Variants in HS6ST1 observed in about 807,000 individuals in gnomAD.
HS6ST1 encodes heparan-sulfate 6-O-sulfotransferase 1.
A neutral mutation model predicts 25.2 loss-of-function variants in HS6ST1; 3 were observed. The ratio of observed to expected loss-of-function variants is 0.12; its 90% CI spans 0.05 to 0.31. The LOEUF (loss-of-function observed/expected upper bound fraction) is 0.31. HS6ST1 is among the 10% of genes least tolerant of loss of function. HS6ST1 has a pLI of 1.00. For synonymous variants in HS6ST1, 204 were observed against 275.1 expected, an observed-to-expected ratio of 0.74 and a Z score of 2.56; for missense variants, 310 against 609.6, an observed-to-expected ratio of 0.51 and a Z score of 5.18.
chr2:128,278,803 G>T (rs1029399790), intron 1 of HS6ST1, among the ~76,000 whole-genome samples: 1 of 152,174 alleles, frequency 6.6e-6, no homozygotes, highest in African/African-American at 2.4e-5. Context: ...ACTACTCAGT[G>T]GCTGTCTCGG....
At chr2:128,272,586 C>T (rs1693625736) in intron 1 of HS6ST1, among the ~76,000 whole-genome samples, 1 of 152,164 alleles carries the variant, frequency 6.6e-6, no homozygotes. Flanking sequence ...GGCCTCTCTG[C>T]CTGCGCCTGC....
chr2:128,269,699 C>T (rs573233000), intron 1 of HS6ST1, among the ~76,000 whole-genome samples: 11 of 152,314 alleles, frequency 7.2e-5, no homozygotes, highest in Middle Eastern at 3.4e-3. Context: ...CTCCTCCTGG[C>T]TCCTGTCCAC....
At chr2:128,279,991 C>T (rs1040662655) in intron 1 of HS6ST1, among the ~76,000 whole-genome samples, 8 of 152,334 alleles carry the variant, frequency 5.3e-5, no homozygotes, top group Admixed American at 2.0e-4. Flanking sequence ...CTCCGGAAAG[C>T]GACCGGGCCT....
chr2:128,288,545 C>T (rs1693901397), intron 1 of HS6ST1, among the ~76,000 whole-genome samples: 1 of 152,222 alleles, frequency 6.6e-6, no homozygotes, highest in Admixed American at 6.5e-5. Flanking sequence ...GATGCCAACT[C>T]TGGAAAACAC....
intron 1 of HS6ST1, among the ~76,000 whole-genome samples, chr2:128,281,079 T>G (rs539073101): frequency 6.6e-6 from 1 of 152,350 alleles, no homozygotes; most frequent in African/African-American, 2.4e-5. Flanking sequence ...CTGGGTCAGC[T>G]GAGATCCAGC....
At chr2:128,284,565 G>A (rs896919108) in intron 1 of HS6ST1, among the ~76,000 whole-genome samples, 1 of 145,842 alleles carries the variant, frequency 6.9e-6, no homozygotes, top group African/African-American at 2.6e-5. Flanking sequence ...GCAGTGGCGT[G>A]ATCTTGGTCA....
At chr2:128,296,254 T>A (rs942676266) in intron 1 of HS6ST1, among the ~76,000 whole-genome samples, 1 of 152,190 alleles carries the variant, frequency 6.6e-6, no homozygotes, top group African/African-American at 2.4e-5. Flanking sequence ...ACAGTTAACA[T>A]CATATTCAAT....
chr2:128,310,948 T>A (rs922717813), intron 1 of HS6ST1, among the ~76,000 whole-genome samples: 1 of 151,556 alleles, frequency 6.6e-6, no homozygotes. Context: ...AGTGGCGGGG[T>A]CTCGCATGAT....
intron 1 of HS6ST1, among the ~76,000 whole-genome samples, chr2:128,301,439 C>A (rs971622031): frequency 6.6e-6 from 1 of 152,182 alleles, no homozygotes; most frequent in Non-Finnish European, 1.5e-5. Context: ...ATCCTGGGAC[C>A]ATTTCAAAGA....
chr2:128,301,402 C>T (rs903489040), intron 1 of HS6ST1, among the ~76,000 whole-genome samples: 8 of 152,146 alleles, frequency 5.3e-5, no homozygotes, highest in African/African-American at 1.7e-4. Context: ...GACAGCAGAT[C>T]GTCTTTGGAA....
chr2:128,294,208 C>CA (rs1694001989), intron 1 of HS6ST1, among the ~76,000 whole-genome samples: 1 of 152,234 alleles, frequency 6.6e-6, no homozygotes, highest in South Asian at 2.1e-4. Context: ...TTCTGTCATA[C>CA]ACGCCCTGTG....
Position 128,301,923 on chromosome 2 carries a change from G to C in HS6ST1, c.527+16114C>G, listed in dbSNP as rs77183483. Among the ~76,000 whole-genome samples the C allele has an allele frequency of 8.0e-3, 1,214 of 152,298 alleles. 14 individuals are homozygous for C. The highest frequency in any genetic ancestry group is 0.025 in the African/African-American group (1,040 of 41,552). On this transcript the variant is annotated intron_variant, in intron 1 of 1. Transcript: ENST00000259241. ...CATGCTGGCCGGTGTCTCCCTAGTGGGAACAGCTCAGAGGCTCCAGCTTGG... is the reference window on the plus strand; with the variant it reads ...CATGCTGGCCGGTGTCTCCCTAGTGCGAACAGCTCAGAGGCTCCAGCTTGG...
At chr2:128,291,281 TC>T (rs1374607451) in intron 1 of HS6ST1, among the ~76,000 whole-genome samples, 1 of 152,214 alleles carries the variant, frequency 6.6e-6, no homozygotes, top group Non-Finnish European at 1.5e-5. Context: ...ACAGCCGGAG[TC>T]CCGGCATGGG....
At chr2:128,284,838 T>TCC (rs1189611485) in intron 1 of HS6ST1, among the ~76,000 whole-genome samples, 1 of 152,160 alleles carries the variant, frequency 6.6e-6, no homozygotes, top group African/African-American at 2.4e-5. Flanking sequence ...GTTGTGACTT[T>TCC]CCCAGGGCCA....
intron 1 of HS6ST1, among the ~76,000 whole-genome samples, chr2:128,275,207 A>G (rs1693675291): frequency 6.6e-6 from 1 of 152,190 alleles, no homozygotes; most frequent in Non-Finnish European, 1.5e-5. Context: ...TACTTGCCTC[A>G]GCGGTAAATG....
At chr2:128,299,187 A>C (rs976478726) in intron 1 of HS6ST1, among the ~76,000 whole-genome samples, 3 of 152,228 alleles carry the variant, frequency 2.0e-5, no homozygotes, top group African/African-American at 7.2e-5. Context: ...GCCATGCAGC[A>C]GAGAGCACAC....
chr2:128,290,817 C>CAAAAAAAAA (rs57754041), intron 1 of HS6ST1, among the ~76,000 whole-genome samples: 75 of 60,538 alleles, frequency 1.2e-3, no homozygotes, highest in East Asian at 1.9e-3. Flanking sequence ...ACTAAAAATA[C>CAAAAAAAAA]AAAAAAAAAA....
intron 1 of HS6ST1, among the ~76,000 whole-genome samples, chr2:128,299,195 C>T (rs1241137090): frequency 2.6e-5 from 4 of 152,248 alleles, no homozygotes; most frequent in Non-Finnish European, 5.9e-5. Context: ...GCAGAGAGCA[C>T]ACAGCTCCCT....
rs1172327314 is a variant in HS6ST1 at position 128,267,604 on chromosome 2, CCTGA to C, written c.*554_*557del. ...CTTCTCTGCCTCAGATGGGGTGGGC[CCTGA>C]CTTTGAGGGAGCTACAGATGGGTGA... On this transcript the variant is annotated 3_prime_UTR_variant, in exon 2 of 2. Transcript: ENST00000259241. The C allele has an allele frequency of 6.2e-6, 1 of 160,380 alleles. No individual in the cohort carries two copies. The allele number at this position is 160,380 out of a possible 1,614,324, so 9.9% of individuals were successfully genotyped here. A position where few individuals can be genotyped will look rare whatever the true frequency, so the allele number is the denominator to read the frequency against.
Sources: gnomAD v4.1 joint callset for allele counts (sites outside exome capture counted in the v4.1 genomes callset) on GRCh38, gnomAD v4.1.1 for gene constraint, MANE v1.5 for transcripts, NCBI Gene and HGNC (gene_info 2026-07-23, HGNC 2026-07-21) for gene names.